SEMA6D: variants seen among roughly 807,000 people sequenced by gnomAD.
SEMA6D encodes semaphorin-6D.
A neutral mutation model predicts 106.6 loss-of-function variants in SEMA6D; 35 were observed. The observed-to-expected ratio is 0.33, with a 90% CI of 0.25 to 0.44. The LOEUF is 0.44. Ranked by LOEUF, SEMA6D falls within the 20% of genes least tolerant of loss-of-function variation. The probability of loss-of-function intolerance (pLI) is 1.00; values close to 1 mark genes in which losing one functional copy is unlikely to be tolerated. For synonymous variants in SEMA6D, 499 were observed against 487.7 expected, an observed-to-expected ratio of 1.02 and a Z score of -0.31; for missense variants, 1,185 against 1,345.9, an observed-to-expected ratio of 0.88 and a Z score of 1.87.
intron 1 of SEMA6D, among the ~76,000 whole-genome samples, chr15:47,271,238 C>T (rs763066625): frequency 7.9e-5 from 12 of 152,088 alleles, no homozygotes; most frequent in Non-Finnish European, 1.5e-4. Flanking sequence ...ATAGGGAAAA[C>T]ATTAATTAAT....
At chr15:47,320,576 C>A (rs561942294) in intron 1 of SEMA6D, among the ~76,000 whole-genome samples, 2 of 152,276 alleles carry the variant, frequency 1.3e-5, no homozygotes, top group East Asian at 3.9e-4. Flanking sequence ...CCCCCTTCTC[C>A]CTATGCACCA....
chr15:47,345,441 CAATTTAACA>C (rs2144632795), intron 1 of SEMA6D, among the ~76,000 whole-genome samples: 1 of 151,990 alleles, frequency 6.6e-6, no homozygotes, highest in Admixed American at 6.6e-5. Context: ...AGAGTAAATA[CAATTTAACA>C]AAGAAAGTAC....
chr15:47,392,364 G>A (rs1595891667), intron 1 of SEMA6D, among the ~76,000 whole-genome samples: 5 of 152,148 alleles, frequency 3.3e-5, no homozygotes, highest in Admixed American at 2.0e-4. Flanking sequence ...TTAAATTGAG[G>A]ATCCTGAGGT....
intron 3 of SEMA6D, among the ~76,000 whole-genome samples, chr15:47,579,281 A>G (rs1445067733): frequency 2.0e-5 from 3 of 151,910 alleles, no homozygotes; most frequent in African/African-American, 7.3e-5. Context: ...AGCTGGGATT[A>G]CAGGCACCTA....
intron 1 of SEMA6D, among the ~76,000 whole-genome samples, chr15:47,346,968 A>T (rs1025724699): frequency 2.6e-5 from 4 of 151,568 alleles, no homozygotes; most frequent in Non-Finnish European, 2.9e-5. Context: ...GAGTGCAATG[A>T]TGCCATCTCA....
chr15:47,367,723 CACACAGAGAG>C (rs2039111897), intron 1 of SEMA6D, among the ~76,000 whole-genome samples: 1 of 21,922 alleles, frequency 4.6e-5, no homozygotes, highest in African/African-American at 9.8e-5. Flanking sequence ...CACACACACA[CACACAGAGAG>C]AGAGAAAGAG....
chr15:47,765,252 G>A, intron 13 of SEMA6D, 196 bp downstream of exon 13: 2 of 1,361,604 alleles, frequency 1.5e-6, no homozygotes. Context: ...GTGAATGGTT[G>A]ATGAGTTTAA....
At chr15:47,479,997 C>T (rs548246371) in intron 3 of SEMA6D, among the ~76,000 whole-genome samples, 7 of 150,904 alleles carry the variant, frequency 4.6e-5, no homozygotes, top group African/African-American at 1.7e-4. Context: ...TTCTGAGTAG[C>T]TGGAACCACA....
At chr15:47,276,819 TAGAC>T (rs1404367957) in intron 1 of SEMA6D, among the ~76,000 whole-genome samples, 2 of 152,170 alleles carry the variant, frequency 1.3e-5, no homozygotes, top group East Asian at 1.9e-4. Flanking sequence ...ATAGCTGCCT[TAGAC>T]AGTTATTCCT....
At chr15:47,640,133 A>G (rs1225049595) in intron 4 of SEMA6D, among the ~76,000 whole-genome samples, 1 of 152,202 alleles carries the variant, frequency 6.6e-6, no homozygotes, top group African/African-American at 2.4e-5. Context: ...TTGCATATCT[A>G]AAACTGCTCT....
At chr15:47,203,415 C>T (rs1566923464) in intron 1 of SEMA6D, among the ~76,000 whole-genome samples, 1 of 152,204 alleles carries the variant, frequency 6.6e-6, no homozygotes, top group Non-Finnish European at 1.5e-5. Flanking sequence ...TCCATCACCA[C>T]ACCCACGCAG....
At chr15:47,628,874 G>A (rs1359028689) in intron 4 of SEMA6D, among the ~76,000 whole-genome samples, 3 of 152,048 alleles carry the variant, frequency 2.0e-5, no homozygotes, top group Non-Finnish European at 4.4e-5. Flanking sequence ...AGTTTCACAT[G>A]TAAGTCTGAA....
intron 1 of SEMA6D, among the ~76,000 whole-genome samples, chr15:47,258,830 CTAATA>C (rs1171590555): frequency 1.3e-5 from 2 of 152,018 alleles, no homozygotes; most frequent in African/African-American, 4.8e-5. Context: ...GGACTCCTGA[CTAATA>C]TATATTTTTA....
chr15:47,507,380 A>C (rs1156548468), intron 3 of SEMA6D, among the ~76,000 whole-genome samples: 1 of 111,652 alleles, frequency 9.0e-6, no homozygotes, highest in Admixed American at 1.4e-4. Flanking sequence ...CTTGGCTGAG[A>C]CCAGATGCTG....
intron 4 of SEMA6D, among the ~76,000 whole-genome samples, chr15:47,631,074 T>C (rs1356620463): frequency 1.3e-5 from 2 of 151,886 alleles, no homozygotes; most frequent in African/African-American, 2.4e-5. Flanking sequence ...GTGGTGTCTT[T>C]ATCTGGTTTT....
At chr15:47,546,946 G>A (rs2045542169) in intron 3 of SEMA6D, among the ~76,000 whole-genome samples, 1 of 152,044 alleles carries the variant, frequency 6.6e-6, no homozygotes, top group Non-Finnish European at 1.5e-5. Context: ...TGCATCAAGA[G>A]CTAGACATCC....
At chr15:47,337,647 A>G (rs2037622062) in intron 1 of SEMA6D, among the ~76,000 whole-genome samples, 1 of 152,200 alleles carries the variant, frequency 6.6e-6, no homozygotes, top group Non-Finnish European at 1.5e-5. Context: ...AGTTTGATAG[A>G]GAAGTAAACA....
At chr15:47,315,432 C>G (rs1205748964) in intron 1 of SEMA6D, among the ~76,000 whole-genome samples, 1 of 151,438 alleles carries the variant, frequency 6.6e-6, no homozygotes. Context: ...TCTGGACTCT[C>G]TATCCTCTTC....
intron 1 of SEMA6D, chr15:47,272,546 A>G (rs939466558): frequency 6.6e-6 from 1 of 152,222 alleles, no homozygotes; most frequent in African/African-American, 2.4e-5. Flanking sequence ...GGCTTATCAC[A>G]TTACATTTGG....
Sources: allele counts gnomAD v4.1 joint callset (sites outside exome capture counted in the v4.1 genomes callset), GRCh38; gene constraint gnomAD v4.1.1; transcripts MANE v1.5; gene names NCBI Gene and HGNC (gene_info 2026-07-23, HGNC 2026-07-21).